CSMD1: variants seen among roughly 807,000 people sequenced by gnomAD.
CSMD1 encodes CUB and Sushi multiple domains 1.
A neutral mutation model predicts 417.5 loss-of-function variants in CSMD1; 213 were observed. The observed-to-expected ratio is 0.51, with a 90% CI of 0.46 to 0.57. The LOEUF is 0.57. Among genes scored for constraint, CSMD1 ranks in the 20% least tolerant of loss-of-function variants. The pLI is 0.00. For missense variants in CSMD1, 6,923 were observed against 4,529.7 expected, an observed-to-expected ratio of 1.53 and a Z score of -15.17; for synonymous variants, 2,862 against 1,736.8, an observed-to-expected ratio of 1.65 and a Z score of -16.11.
intron 7 of CSMD1, among the ~76,000 whole-genome samples, chr8:3,638,655 G>A (rs1182673878): frequency 6.6e-6 from 1 of 152,156 alleles, no homozygotes; most frequent in Non-Finnish European, 1.5e-5. Flanking sequence ...TGGGCAAGAT[G>A]TACCTAGAAA....
chr8:3,171,268 T>C (rs1820566997), intron 37 of CSMD1, among the ~76,000 whole-genome samples: 1 of 152,230 alleles, frequency 6.6e-6, no homozygotes, highest in African/African-American at 2.4e-5. Flanking sequence ...TTCTACTTCA[T>C]TTTTACTTAT....
intron 5 of CSMD1, among the ~76,000 whole-genome samples, chr8:3,931,691 G>A (rs1272554535): frequency 2.0e-5 from 3 of 149,048 alleles, no homozygotes; most frequent in Non-Finnish European, 4.5e-5. Context: ...AACAACAAAA[G>A]GACTATAGTT....
intron 3 of CSMD1, among the ~76,000 whole-genome samples, chr8:4,105,791 A>T (rs1415012752): frequency 6.6e-6 from 1 of 152,194 alleles, no homozygotes; most frequent in Non-Finnish European, 1.5e-5. Flanking sequence ...TACAGCGTTG[A>T]AAAGTGTCCT....
At chr8:3,818,334 T>C (rs73172254) in intron 5 of CSMD1, among the ~76,000 whole-genome samples, 29,743 of 152,142 alleles carry the variant, frequency 0.2, 3,246 homozygotes, top group Middle Eastern at 0.28. Flanking sequence ...AGAAACTCCC[T>C]CATGTGAGAG....
intron 6 of CSMD1, among the ~76,000 whole-genome samples, chr8:3,749,519 T>C (rs1165774076): frequency 2.0e-5 from 3 of 151,880 alleles, no homozygotes; most frequent in Non-Finnish European, 4.4e-5. Flanking sequence ...GAGATGAAAG[T>C]TAAAAATGTA....
intron 1 of CSMD1, among the ~76,000 whole-genome samples, chr8:4,637,902 C>T (rs1037373213): frequency 1.3e-5 from 2 of 151,482 alleles, no homozygotes; most frequent in African/African-American, 4.9e-5. Flanking sequence ...GATCTCCTGA[C>T]CTCATGATCC....
intron 3 of CSMD1, among the ~76,000 whole-genome samples, chr8:4,393,538 G>C (rs1804001088): frequency 1.3e-5 from 2 of 152,110 alleles, no homozygotes; most frequent in Non-Finnish European, 2.9e-5. Flanking sequence ...GTTTCACTTG[G>C]CAACAGCTAG....
chr8:3,655,546 C>G (rs1798057682), intron 7 of CSMD1, among the ~76,000 whole-genome samples: 1 of 152,100 alleles, frequency 6.6e-6, no homozygotes, highest in Non-Finnish European at 1.5e-5. Context: ...CTGGGAAACC[C>G]AACTGTGTAA....
At chr8:4,988,327 A>T (rs1479317396) in intron 1 of CSMD1, among the ~76,000 whole-genome samples, 4 of 152,242 alleles carry the variant, frequency 2.6e-5, no homozygotes, top group South Asian at 2.1e-4. Context: ...GTGGAATGAC[A>T]ACACTGAAAT....
At chr8:3,776,149 G>A (rs1584980876) in intron 5 of CSMD1, among the ~76,000 whole-genome samples, 1 of 152,014 alleles carries the variant, frequency 6.6e-6, no homozygotes, top group African/African-American at 2.4e-5. Context: ...CTGCTCATCT[G>A]CACATCATAC....
chr8:3,953,883 C>T (rs932639733), intron 5 of CSMD1, among the ~76,000 whole-genome samples: 2 of 152,170 alleles, frequency 1.3e-5, no homozygotes, highest in African/African-American at 2.4e-5. Context: ...AGGTGCTGTG[C>T]AGGCCCCAGG....
In CSMD1 at chr8:4,021,738, T is replaced by C. The variant is rs1796799264; in HGVS notation, c.610+10167A>G. ...TATTGTTGCAATATCCCTTTACCTA[T>C]CCCCGTCCCCTCCCCAATAATCTTT... On this transcript the variant is annotated intron_variant, in intron 4 of 69. Coordinates refer to ENST00000635120, the MANE Select transcript of CSMD1 (RefSeq NM_033225.6). Among the ~76,000 whole-genome samples the C allele has an allele frequency of 2.6e-5, 4 of 152,122 alleles. No individual in the cohort carries two copies. The South Asian group carries it at 8.3e-4, about 32-fold the overall frequency.
intron 1 of CSMD1, among the ~76,000 whole-genome samples, chr8:4,839,392 G>T (rs1053913771): frequency 6.6e-6 from 1 of 152,112 alleles, no homozygotes; most frequent in Non-Finnish European, 1.5e-5. Flanking sequence ...TCACATCACA[G>T]TTAGCTCAAC....
At chr8:3,479,106 G>T (rs942826184) in intron 11 of CSMD1, among the ~76,000 whole-genome samples, 2 of 151,990 alleles carry the variant, frequency 1.3e-5, no homozygotes. Flanking sequence ...GGCACTAAAG[G>T]CACTGAGCAG....
Position 3,350,338 on chromosome 8 carries a change from T to C in CSMD1, c.3305-2177A>G, listed in dbSNP as rs376535517. Among the ~76,000 whole-genome samples, 111 of 144,768 alleles carry C rather than the reference T, an allele frequency of 7.7e-4. 5 individuals carry two copies. In the South Asian group the frequency reaches 0.023, roughly 29 times the overall value. 95.0% of individuals were successfully genotyped at this position (144,768 alleles called of 152,430 possible). On this transcript the variant is annotated intron_variant, in intron 21 of 69. Transcript: ENST00000635120. ...TATAATAACTTGTGTATGTGTGTGT[T>C]ATAATACCTATAATAACCTTCGTGA...
intron 12 of CSMD1, among the ~76,000 whole-genome samples, chr8:3,440,150 C>A: frequency 6.6e-6 from 1 of 152,304 alleles, no homozygotes; most frequent in South Asian, 2.1e-4. Flanking sequence ...TCTACATTTT[C>A]ATACACATTT....
chr8:4,703,774 T>C (rs946333576), intron 1 of CSMD1, among the ~76,000 whole-genome samples: 2 of 152,228 alleles, frequency 1.3e-5, no homozygotes, highest in East Asian at 1.9e-4. Flanking sequence ...CAGAAAAGCA[T>C]TGGGATACGA....
chr8:3,385,314 G>C (rs975780840), intron 18 of CSMD1, among the ~76,000 whole-genome samples: 1 of 141,468 alleles, frequency 7.1e-6, no homozygotes, highest in Non-Finnish European at 1.5e-5. Flanking sequence ...TTTCTTGCTA[G>C]ATATATTATT....
At chr8:4,444,445 A>T (rs893309060) in intron 2 of CSMD1, among the ~76,000 whole-genome samples, 3 of 151,406 alleles carry the variant, frequency 2.0e-5, no homozygotes, top group African/African-American at 4.9e-5. Context: ...GATCAACAGC[A>T]TGTGAGAAAA....
Sources: allele counts gnomAD v4.1 joint callset (sites outside exome capture counted in the v4.1 genomes callset), GRCh38; gene constraint gnomAD v4.1.1; transcripts MANE v1.5; gene names NCBI Gene and HGNC (gene_info 2026-07-23, HGNC 2026-07-21).